The following KLHL33 variants were observed in gnomAD, a reference collection of about 807,000 sequenced individuals.
The protein encoded by KLHL33 is kelch-like protein 33.
Under a neutral mutation model 60.8 loss-of-function variants are expected in KLHL33, and 46 were observed. That is an observed-to-expected ratio of 0.76 (90% CI 0.60 to 0.97). The LOEUF is 0.97. Among genes scored for constraint, KLHL33 ranks in the 50% least tolerant of loss-of-function variants. The probability of loss-of-function intolerance (pLI) is 0.00; values close to 1 mark genes in which losing one functional copy is unlikely to be tolerated. For missense variants in KLHL33, 1,055 were observed against 1,000.0 expected, an observed-to-expected ratio of 1.05 and a Z score of -0.74; for synonymous variants, 434 against 432.2, an observed-to-expected ratio of 1.00 and a Z score of -0.05.
rs1325821238 is a variant in KLHL33 at position 20,426,282 on chromosome 14, A to G, written c.*2567T>C. 3 of 152,060 alleles carry G rather than the reference A, an allele frequency of 2.0e-5. No individual in the cohort carries two copies. Among genetic ancestry groups the G allele is most frequent in the East Asian group, 3.9e-4 (2 of 5,194 alleles). 9.4% of individuals were successfully genotyped at this position (152,060 alleles called of 1,614,324 possible). A position where few individuals can be genotyped will look rare whatever the true frequency, so the allele number is the denominator to read the frequency against. On this transcript the variant is annotated 3_prime_UTR_variant, in exon 5 of 5. Transcript: ENST00000636854. Reference sequence around the variant, plus strand: ...TTTCGGAGGTCGAGGTGGGTGGATCACCTGAGGTCGGGAGTTCAAGACCAG... The same window carrying G: ...TTTCGGAGGTCGAGGTGGGTGGATCGCCTGAGGTCGGGAGTTCAAGACCAG...
rs575660085 is a variant in KLHL33 at position 20,427,488 on chromosome 14, T to C, written c.*1361A>G. On this transcript the variant is annotated 3_prime_UTR_variant, in exon 5 of 5. Coordinates refer to ENST00000636854, the MANE Select transcript of KLHL33 (RefSeq NM_001365790.2). ...ACAGGGCATGGCATGCCCCACTTCT[T>C]TCTGTTTCAAATGCATTCCCCCTTC... 1 of 152,330 alleles carries C rather than the reference T, an allele frequency of 6.6e-6. No homozygotes were observed. Among genetic ancestry groups the C allele is most frequent in the East Asian group, 1.9e-4 (1 of 5,178 alleles). The allele number at this position is 152,330 out of a possible 1,614,324, so 9.4% of individuals were successfully genotyped here. A position where few individuals can be genotyped will look rare whatever the true frequency, so the allele number is the denominator to read the frequency against.
In KLHL33 at chr14:20,430,663, C is replaced by G. The variant is rs1196772764; in HGVS notation, c.805G>C (p.Gly269Arg). The part of the protein sequence containing the change: ...SEFFGAMLLS[G>R]MRESQGTEVS... The stretch of plus-strand genomic sequence containing the variant: ...TCTGTGCCCTGGGATTCCCTCATCC[C>G]GCTCAGGAGCATGGCCCCAAAGAAC... Residue 269 changes from glycine to arginine, a missense_variant, in exon 3 of 5, where the codon GGG (glycine) becomes CGG (arginine). Gly to Arg is a moderately radical substitution (Grantham distance 125). Transcript: ENST00000636854. The G allele has an allele frequency of 1.3e-6, 2 of 1,534,430 alleles. No homozygotes were observed.
At position 20,426,723 on chromosome 14, in the gene KLHL33, A is replaced by G. The variant is rs1880286183; in HGVS notation, c.*2126T>C. On this transcript the variant is annotated 3_prime_UTR_variant, in exon 5 of 5. Coordinates refer to ENST00000636854, the MANE Select transcript of KLHL33 (RefSeq NM_001365790.2). ...ATATAAATCATGCCGCTATAAAGAC[A>G]CATGCACACATATGTTTATTGCATC... The G allele has an allele frequency of 6.6e-6, 1 of 152,152 alleles. No homozygotes were observed. The highest frequency in any genetic ancestry group is 1.5e-5 in the Non-Finnish European group (1 of 68,052). 9.4% of individuals were successfully genotyped at this position (152,152 alleles called of 1,614,324 possible).
Position 20,428,561 on chromosome 14 carries a change from A to C in KLHL33, c.*288T>G. 2.6e-6 allele frequency: 1 copy of C among 381,494 alleles called. No homozygotes were observed. Among genetic ancestry groups the C allele is most frequent in the Non-Finnish European group, 4.8e-6 (1 of 209,688 alleles). 23.6% of individuals were successfully genotyped at this position (381,494 alleles called of 1,614,324 possible). The stretch of plus-strand genomic sequence containing the variant: ...ACTGAAGCTTCTTAACTCTCTTTCA[A>C]ACTAGATGCCCTTTCCCTAAGAATC... On this transcript the variant is annotated 3_prime_UTR_variant, in exon 5 of 5. Transcript: ENST00000636854.
At position 20,430,185 on chromosome 14, in the gene KLHL33, A is replaced by G; in HGVS notation, c.1283T>C (p.Phe428Ser). 1.3e-6 allele frequency: 2 copies of G among 1,551,374 alleles called. No individual in the cohort carries two copies. ...CAACTCCCTGGTGGACATGCGGCCAAAGCGGACACATCGCAGCAGGGCCTT... is the reference window on the plus strand; with the variant it reads ...CAACTCCCTGGTGGACATGCGGCCAGAGCGGACACATCGCAGCAGGGCCTT... Reference protein sequence around the residue: ...EAKALLRCVRFGRMSTRELRR... With the variant: ...EAKALLRCVRSGRMSTRELRR... Residue 428 changes from phenylalanine to serine, a missense_variant, in exon 3 of 5, where the codon TTT becomes TCT. Coordinates refer to ENST00000636854, the MANE Select transcript of KLHL33 (RefSeq NM_001365790.2).
rs1375518493 is a variant in KLHL33, at chr14:20,430,010, G to C, written c.1458C>G (p.Asp486Glu). 6.4e-7 allele frequency: 1 copy of C among 1,551,736 alleles called. No individual in the cohort carries two copies. The highest frequency in any genetic ancestry group is 8.7e-7 in the Non-Finnish European group (1 of 1,147,002). The change falls in exon 3 of 5, where the codon GAC (aspartate) becomes GAG (glutamate). Residue 486 changes from aspartate (D) to glutamate (E), a missense_variant. Transcript: ENST00000636854. The part of the protein sequence containing the change: ...VVIGGDGLRP[D>E]MALRQPSRAV... ...CTCGGGATGGTTGTCTTAGGGCCAT[G>C]TCTGGTCTGAGCCCATCCCCGCCAA...
intron 2 of KLHL33, among the ~76,000 whole-genome samples, chr14:20,431,583 C>T (rs1348123711): frequency 6.6e-6 from 1 of 152,096 alleles, no homozygotes; most frequent in Non-Finnish European, 1.5e-5. Context: ...CAAACATTAG[C>T]CGGGCATGGT....
Position 20,430,571 on chromosome 14 carries a change from A to G in KLHL33, c.897T>C (p.Val299=), listed in dbSNP as rs1400628347. The G allele has an allele frequency of 3.2e-6, 5 of 1,539,042 alleles. No individual in the cohort carries two copies. The highest frequency in any genetic ancestry group is 4.4e-6 in the Non-Finnish European group (5 of 1,147,006). Residue 299 remains valine, a synonymous_variant, in exon 3 of 5, where the codon GTT becomes GTC. Transcript: ENST00000636854. ...GTAGCCCTGGCCACCTTGCCCGCAC[A>G]ACTCCGGAGTAAGCAAAAGAGACGA... ...RLLVSFAYSG[V]VRARWPGLLR... is the part of the protein sequence containing the mutation.
chr14:20,434,256 C>T (rs1390877638), intron 2 of KLHL33, among the ~76,000 whole-genome samples: 1 of 152,110 alleles, frequency 6.6e-6, no homozygotes, highest in African/African-American at 2.4e-5. Flanking sequence ...CTTCAAAGTG[C>T]CATGGCCAGG....
chr14:20,429,166 T>C lies in KLHL33; in HGVS notation c.2077A>G (p.Thr693Ala), dbSNP rs1457576347. 1.3e-6 allele frequency: 2 copies of C among 1,551,466 alleles called. No individual in the cohort carries two copies. The highest frequency in any genetic ancestry group is 2.4e-5 in the East Asian group (1 of 40,906). The change falls in exon 5 of 5, where the codon ACT (threonine) becomes GCT (alanine). Residue 693 changes from threonine to alanine, a missense_variant. Coordinates refer to ENST00000636854, the MANE Select transcript of KLHL33 (RefSeq NM_001365790.2). ...RLYVAGGLGETEDLLSFEAYE... is the reference protein window; with the variant it reads ...RLYVAGGLGEAEDLLSFEAYE... ...GCCTCAAAGCTTAGCAGGTCCTCAG[T>C]CTCACCCAGCCCACCTGCCACATAC... is the stretch of plus-strand genomic sequence containing the variant.
chr14:20,432,986 G>GAAAGAAAGAA (rs1208142467), intron 2 of KLHL33, among the ~76,000 whole-genome samples: 10 of 151,624 alleles, frequency 6.6e-5, no homozygotes, highest in Non-Finnish European at 1.2e-4. Context: ...AAGAAAGAAA[G>GAAAGAAAGAA]AGAGAAATTA....
At chr14:20,434,900 C>T (rs1024665930) in intron 2 of KLHL33, among the ~76,000 whole-genome samples, 164 bp downstream of exon 2, 1 of 152,150 alleles carries the variant, frequency 6.6e-6, no homozygotes, top group African/African-American at 2.4e-5. Context: ...TGCGCATGCC[C>T]GGCTCTCCGT....
chr14:20,427,529 T>C lies in KLHL33; in HGVS notation c.*1320A>G, dbSNP rs1333416470. 1 of 152,222 alleles carries C rather than the reference T, an allele frequency of 6.6e-6. No individual in the cohort carries two copies. The highest frequency in any genetic ancestry group is 1.5e-5 in the Non-Finnish European group (1 of 68,042). The allele number at this position is 152,222 out of a possible 1,614,324, so 9.4% of individuals were successfully genotyped here. On this transcript the variant is annotated 3_prime_UTR_variant, in exon 5 of 5. Coordinates refer to ENST00000636854, the MANE Select transcript of KLHL33 (RefSeq NM_001365790.2). ...TTCCCCCTTCTCTAATGGGTGAGACTCTAGGCAGCCTTTAAGATCCAGTTC... is the reference window on the plus strand; with the variant it reads ...TTCCCCCTTCTCTAATGGGTGAGACCCTAGGCAGCCTTTAAGATCCAGTTC...
At position 20,430,068 on chromosome 14, in the gene KLHL33, C is replaced by A; in HGVS notation, c.1400G>T (p.Arg467Ile). The part of the protein sequence containing the change: ...MVEADVPGQE[R>I]RREPDRALVV... Reference sequence around the variant, plus strand: ...CAGTGCCCGGTCAGGCTCCCTCCGTCTCTCTTGGCCTGGAACATCAGCCTC... The same window carrying A: ...CAGTGCCCGGTCAGGCTCCCTCCGTATCTCTTGGCCTGGAACATCAGCCTC... Residue 467 changes from arginine to isoleucine, a missense_variant, in exon 3 of 5, where the codon AGA (arginine) becomes ATA (isoleucine). Arg to Ile is a moderately conservative substitution (Grantham distance 97). Coordinates refer to ENST00000636854, the MANE Select transcript of KLHL33 (RefSeq NM_001365790.2). The A allele has an allele frequency of 6.4e-7, 1 of 1,551,788 alleles. No individual in the cohort carries two copies. Among genetic ancestry groups the A allele is most frequent in the Non-Finnish European group, 8.7e-7 (1 of 1,147,024 alleles).
chr14:20,430,289 A>G lies in KLHL33; in HGVS notation c.1179T>C (p.His393=), dbSNP rs1190320451. 7 of 1,551,678 alleles carry G rather than the reference A, an allele frequency of 4.5e-6. No homozygotes were observed. Among genetic ancestry groups the G allele is most frequent in the Non-Finnish European group, 6.1e-6 (7 of 1,147,012 alleles). ...LAELLDSDEL[H]VQEEFEAFVA... ...CAAAGGCCTCAAACTCCTCCTGCAC[A>G]TGGAGCTCATCACTATCCAGGAGCT... Residue 393 remains histidine (H), a synonymous_variant, in exon 3 of 5, where the codon CAT becomes CAC. Transcript: ENST00000636854.
At position 20,427,232 on chromosome 14, in the gene KLHL33, A is replaced by C. The variant is rs1489409887; in HGVS notation, c.*1617T>G. The C allele has an allele frequency of 6.6e-6, 1 of 151,498 alleles. No individual in the cohort carries two copies. Among genetic ancestry groups the C allele is most frequent in the Non-Finnish European group, 1.5e-5 (1 of 67,896 alleles). The allele number at this position is 151,498 out of a possible 1,614,324, so 9.4% of individuals were successfully genotyped here. A position where few individuals can be genotyped will look rare whatever the true frequency, so the allele number is the denominator to read the frequency against. ...AAAAAAAAAAAGAAAAAGAAAATTGACCTAAACACACACAAAAAAACTGAC... is the reference window on the plus strand; with the variant it reads ...AAAAAAAAAAAGAAAAAGAAAATTGCCCTAAACACACACAAAAAAACTGAC... On this transcript the variant is annotated 3_prime_UTR_variant, in exon 5 of 5. Transcript: ENST00000636854.
chr14:20,433,318 G>A (rs1302267346), intron 2 of KLHL33, among the ~76,000 whole-genome samples: 1 of 152,162 alleles, frequency 6.6e-6, no homozygotes, highest in Non-Finnish European at 1.5e-5. Context: ...AGTCCTTTTA[G>A]GCAGGTCACA....
rs377304524 is a variant in KLHL33, at chr14:20,432,031, GT to G, written c.749-1313del. On this transcript the variant is annotated intron_variant, in intron 2 of 4. Transcript: ENST00000636854. Reference sequence around the variant, plus strand: ...TTCAACTCTTTAGATCTAAAGTCAAGTTTATAGGAAGTTGAAAGGCTAAAGG... The same window carrying G: ...TTCAACTCTTTAGATCTAAAGTCAAGTTATAGGAAGTTGAAAGGCTAAAGG... 9.9e-5 allele frequency among the ~76,000 whole-genome samples: 15 copies of G among 152,144 alleles called. No individual in the cohort carries two copies. In the East Asian group the frequency reaches 1.7e-3, roughly 18 times the overall value.
At chr14:20,432,265 C>T (rs1880530878) in intron 2 of KLHL33, among the ~76,000 whole-genome samples, 1 of 152,012 alleles carries the variant, frequency 6.6e-6, no homozygotes, top group South Asian at 2.1e-4. Context: ...CAGGTGCACG[C>T]TACCATGCCT....
Sources: allele counts gnomAD v4.1 joint callset (sites outside exome capture counted in the v4.1 genomes callset), GRCh38; gene constraint gnomAD v4.1.1; transcripts MANE v1.5; gene names NCBI Gene and HGNC (gene_info 2026-07-23, HGNC 2026-07-21).